The following IQCJ variants were observed in gnomAD, a reference collection of about 807,000 sequenced individuals.
IQCJ encodes IQ domain-containing protein J.
A neutral mutation model predicts 11.0 loss-of-function variants in IQCJ; 9 were observed. The observed-to-expected ratio is 0.82, with a 90% confidence interval of 0.49 to 1.43. The LOEUF is 1.43. Ranked by LOEUF, IQCJ falls within the 40% of genes most tolerant of loss-of-function variation. The probability of loss-of-function intolerance (pLI) is 0.00; values close to 1 mark genes in which losing one functional copy is unlikely to be tolerated. For synonymous variants in IQCJ, 55 were observed against 51.3 expected (o/e 1.07, Z -0.31); for missense variants, 146 against 133.2 (o/e 1.10, Z -0.47).
chr3:159,184,695 A>G (rs1456085639), intron 1 of IQCJ, among the ~76,000 whole-genome samples: 2 of 152,316 alleles, frequency 1.3e-5, no homozygotes, highest in South Asian at 2.1e-4. Context: ...GACTGAGTCC[A>G]TCATTTTATT....
At chr3:159,139,970 G>C (rs1199366784) in intron 1 of IQCJ, among the ~76,000 whole-genome samples, 1 of 152,094 alleles carries the variant, frequency 6.6e-6, no homozygotes, top group Non-Finnish European at 1.5e-5. Context: ...TAAAAGATAG[G>C]ATATAATTTT....
At chr3:159,224,674 G>T (rs947803998) in intron 1 of IQCJ, among the ~76,000 whole-genome samples, 9 of 152,134 alleles carry the variant, frequency 5.9e-5, no homozygotes, top group African/African-American at 2.2e-4. Context: ...CTCTGCAAAA[G>T]ATCAGAGTAG....
intron 1 of IQCJ, among the ~76,000 whole-genome samples, chr3:159,086,153 G>A (rs1244066241): frequency 1.3e-5 from 2 of 152,070 alleles, no homozygotes; most frequent in Non-Finnish European, 2.9e-5. Flanking sequence ...AGTTTTCCCA[G>A]CACCATTTAT....
chr3:159,089,739 C>T (rs919722956), intron 1 of IQCJ, among the ~76,000 whole-genome samples: 10 of 151,714 alleles, frequency 6.6e-5, no homozygotes, highest in African/African-American at 2.4e-4. Context: ...GCATTCTTTA[C>T]GTAGTTCTAG....
intron 1 of IQCJ, among the ~76,000 whole-genome samples, chr3:159,131,626 C>T (rs1485555143): frequency 6.6e-6 from 1 of 152,054 alleles, no homozygotes; most frequent in East Asian, 1.9e-4. Context: ...CAGCTGTCTA[C>T]TGTTGTAAGT....
At chr3:159,129,221 C>G (rs1719852027) in intron 1 of IQCJ, among the ~76,000 whole-genome samples, 1 of 152,142 alleles carries the variant, frequency 6.6e-6, no homozygotes, top group Non-Finnish European at 1.5e-5. Context: ...GCCTGGGCCA[C>G]ACATCCTGTA....
Position 159,199,957 on chromosome 3 carries a change from A to G in IQCJ, c.10-45886A>G, listed in dbSNP as rs1724216440. The stretch of plus-strand genomic sequence containing the variant: ...TTTGAGTAAGATACTTAACCTCCCC[A>G]TGCCTCAGTTTTCCTTCTGAAAAAT... On this transcript the variant is annotated intron_variant, in intron 1 of 3. Coordinates refer to ENST00000397832, the MANE Select transcript of IQCJ (RefSeq NM_001042706.3). Among the ~76,000 whole-genome samples the G allele has an allele frequency of 2.7e-5, 4 of 149,970 alleles. No individual in the cohort carries two copies. In the South Asian group the frequency reaches 8.8e-4, roughly 33 times the overall value.
In IQCJ at chr3:159,132,382, T is replaced by C. The variant is rs192481180; in HGVS notation, c.9+62941T>C. On this transcript the variant is annotated intron_variant, in intron 1 of 3. Coordinates refer to ENST00000397832, the MANE Select transcript of IQCJ (RefSeq NM_001042706.3). ...GGATTAAGATGCTGTCATTTGAAGA[T>C]CTTTCTGGCTGGATTTTTCTTCCCC... Among the ~76,000 whole-genome samples, 116 of 152,342 alleles carry C rather than the reference T, an allele frequency of 7.6e-4. 1 individual carries two copies. Among genetic ancestry groups the C allele is most frequent in the African/African-American group, 2.7e-3 (112 of 41,590 alleles).
chr3:159,233,779 C>T (rs764158702), intron 1 of IQCJ, among the ~76,000 whole-genome samples: 2 of 152,136 alleles, frequency 1.3e-5, no homozygotes, highest in Non-Finnish European at 2.9e-5. Context: ...AGGAATCTCT[C>T]TGTGGATGAC....
intron 1 of IQCJ, among the ~76,000 whole-genome samples, chr3:159,229,396 G>A (rs1170219048): frequency 6.6e-6 from 1 of 152,018 alleles, no homozygotes; most frequent in Non-Finnish European, 1.5e-5. Flanking sequence ...AAATGTTTAA[G>A]TCAGTTTTTG....
intron 1 of IQCJ, among the ~76,000 whole-genome samples, chr3:159,169,279 C>CTTTTT (rs141888128): frequency 5.3e-4 from 30 of 56,390 alleles, no homozygotes; most frequent in African/African-American, 6.2e-4. Context: ...TTCTTTCTTT[C>CTTTTT]TTTTTTTTTT....
chr3:159,171,833 T>A (rs1722498996), intron 1 of IQCJ, among the ~76,000 whole-genome samples: 1 of 152,080 alleles, frequency 6.6e-6, no homozygotes, highest in Non-Finnish European at 1.5e-5. Context: ...CCCCAGAGGG[T>A]CTGATTTAGT....
intron 1 of IQCJ, among the ~76,000 whole-genome samples, chr3:159,194,968 T>A (rs114971936): frequency 6.6e-6 from 1 of 151,840 alleles, no homozygotes; most frequent in African/African-American, 2.4e-5. Context: ...AAAATTAGCC[T>A]GGTGTGGTGG....
At chr3:159,195,260 G>C (rs953355554) in intron 1 of IQCJ, among the ~76,000 whole-genome samples, 2 of 152,180 alleles carry the variant, frequency 1.3e-5, no homozygotes, top group African/African-American at 4.8e-5. Flanking sequence ...GCTAGGTCCT[G>C]TGCTCCTTCA....
intron 1 of IQCJ, among the ~76,000 whole-genome samples, chr3:159,087,269 C>A (rs1256007868): frequency 6.6e-6 from 1 of 151,682 alleles, no homozygotes; most frequent in East Asian, 1.9e-4. Flanking sequence ...GGATGAAGCC[C>A]ACTTGATCAT....
intron 1 of IQCJ, among the ~76,000 whole-genome samples, chr3:159,101,185 C>T (rs997732752): frequency 1.4e-5 from 2 of 146,208 alleles, no homozygotes; most frequent in African/African-American, 5.1e-5. Context: ...TCCCTGACCC[C>T]TTGCGCTTCC....
intron 1 of IQCJ, among the ~76,000 whole-genome samples, chr3:159,166,892 C>A (rs1257974052): frequency 6.6e-6 from 1 of 152,162 alleles, no homozygotes; most frequent in Non-Finnish European, 1.5e-5. Flanking sequence ...CGCTGGTAAG[C>A]TGGGGTAGAT....
chr3:159,129,044 A>G (rs1719840756), intron 1 of IQCJ, among the ~76,000 whole-genome samples: 1 of 152,204 alleles, frequency 6.6e-6, no homozygotes, highest in Non-Finnish European at 1.5e-5. Context: ...ACGTTCAACA[A>G]CAACAATAAC....
intron 1 of IQCJ, among the ~76,000 whole-genome samples, chr3:159,168,809 A>T (rs567819382): frequency 2.9e-5 from 4 of 137,468 alleles, no homozygotes; most frequent in Non-Finnish European, 6.0e-5. Flanking sequence ...GCCATATGTT[A>T]AAAAAAAAAC....
Sources: allele counts gnomAD v4.1 joint callset (sites outside exome capture counted in the v4.1 genomes callset), GRCh38; gene constraint gnomAD v4.1.1; transcripts MANE v1.5; gene names NCBI Gene and HGNC (gene_info 2026-07-23, HGNC 2026-07-21).